PPP1R9A: variants seen among roughly 807,000 people sequenced by gnomAD.
PPP1R9A encodes the protein neurabin-1.
Under a neutral mutation model 141.9 loss-of-function variants are expected in PPP1R9A, and 59 were observed. That is an observed-to-expected ratio of 0.42 (90% CI 0.34 to 0.52). The LOEUF (loss-of-function observed/expected upper bound fraction) is 0.52, where lower values mean the gene tolerates loss of function less well. Among genes scored for constraint, PPP1R9A ranks in the 20% least tolerant of loss-of-function variants. The probability of loss-of-function intolerance (pLI) is 0.10; values close to 1 mark genes in which losing one functional copy is unlikely to be tolerated. For synonymous variants in PPP1R9A, 500 were observed against 569.7 expected (o/e 0.88, Z 1.74); for missense variants, 1,444 against 1,611.9 (o/e 0.90, Z 1.78).
intron 2 of PPP1R9A, among the ~76,000 whole-genome samples, chr7:94,916,190 C>T (rs1792055459): frequency 6.6e-6 from 1 of 152,188 alleles, no homozygotes; most frequent in African/African-American, 2.4e-5. Flanking sequence ...AGTTTATTTA[C>T]CATCTATGAT....
At chr7:95,121,459 GTCTA>G (rs35336740) in intron 4 of PPP1R9A, among the ~76,000 whole-genome samples, 7,973 of 50,008 alleles carry the variant, frequency 0.16, 274 homozygotes, top group Non-Finnish European at 0.19. Flanking sequence ...CTGTCTGTCT[GTCTA>G]TCTATCTATC....
At chr7:95,268,404 G>A in intron 12 of PPP1R9A, 146 bp from the exon 13 acceptor site, 1 of 760,116 alleles carries the variant, frequency 1.3e-6, no homozygotes. Context: ...TGATTTCTTG[G>A]TTATTTCTTG....
chr7:95,214,880 C>T (rs949344143), intron 7 of PPP1R9A, among the ~76,000 whole-genome samples: 36 of 152,004 alleles, frequency 2.4e-4, no homozygotes, highest in Non-Finnish European at 3.4e-4. Context: ...GGAACACAGA[C>T]GCCATATGAG....
At chr7:95,068,823 T>C (rs879680435) in intron 2 of PPP1R9A, among the ~76,000 whole-genome samples, 1 of 152,160 alleles carries the variant, frequency 6.6e-6, no homozygotes, top group African/African-American at 2.4e-5. Flanking sequence ...AGTCAGGTAC[T>C]TGCTTTTGTA....
At chr7:95,272,552 T>A (rs1802371443) in intron 14 of PPP1R9A, among the ~76,000 whole-genome samples, 1 of 152,220 alleles carries the variant, frequency 6.6e-6, no homozygotes, top group African/African-American at 2.4e-5. Context: ...TATGTACATT[T>A]CAGTGAGTTG....
intron 2 of PPP1R9A, among the ~76,000 whole-genome samples, chr7:94,980,210 A>T (rs1360787629): frequency 5.3e-5 from 8 of 151,878 alleles, no homozygotes; most frequent in African/African-American, 1.9e-4. Context: ...AATCACAGAA[A>T]ATCTCATAAT....
At chr7:94,950,914 AT>A (rs1250330898) in intron 2 of PPP1R9A, among the ~76,000 whole-genome samples, 4 of 151,916 alleles carry the variant, frequency 2.6e-5, no homozygotes, top group Non-Finnish European at 2.9e-5. Flanking sequence ...CACTGGGCTA[AT>A]TTTTGTACTT....
At chr7:95,266,432 T>G (rs1012691146) in intron 12 of PPP1R9A, among the ~76,000 whole-genome samples, 2 of 152,124 alleles carry the variant, frequency 1.3e-5, no homozygotes, top group African/African-American at 4.8e-5. Flanking sequence ...ACGTCATATA[T>G]GATTTTATAA....
intron 2 of PPP1R9A, among the ~76,000 whole-genome samples, chr7:95,063,354 A>G (rs1812505511): frequency 6.6e-6 from 1 of 152,108 alleles, no homozygotes. Context: ...GCTTGAGTCC[A>G]GCAGTTTAAG....
At chr7:95,063,745 G>A (rs1421473613) in intron 2 of PPP1R9A, among the ~76,000 whole-genome samples, 1 of 152,162 alleles carries the variant, frequency 6.6e-6, no homozygotes, top group Non-Finnish European at 1.5e-5. Context: ...AAATGAATGT[G>A]GATGATTCTC....
chr7:95,275,150 G>C (rs1228466761), intron 16 of PPP1R9A, among the ~76,000 whole-genome samples: 1 of 152,188 alleles, frequency 6.6e-6, no homozygotes, highest in African/African-American at 2.4e-5. Context: ...GCCCACACCT[G>C]TAATCCCAGC....
At chr7:94,945,566 C>T (rs945575369) in intron 2 of PPP1R9A, among the ~76,000 whole-genome samples, 1 of 152,054 alleles carries the variant, frequency 6.6e-6, no homozygotes, top group Admixed American at 6.6e-5. Flanking sequence ...TCACAAATAT[C>T]TCCTTGCTGT....
rs1445807973 is a variant in PPP1R9A at position 95,197,798 on chromosome 7, G to A, written c.1755-551G>A. 5.3e-5 allele frequency among the ~76,000 whole-genome samples: 8 copies of A among 151,960 alleles called. No homozygotes were observed. In the East Asian group the frequency reaches 9.7e-4, roughly 18 times the overall value. ...AGAGTAGCTGGGACTACAGGTGCGC[G>A]CCACCACGCCCGGCTAATTTTTGTA... On this transcript the variant is annotated intron_variant, in intron 5 of 19. Coordinates refer to ENST00000433360, the MANE Select transcript of PPP1R9A (RefSeq NM_001166160.2).
At chr7:94,942,560 T>TG (rs558923519) in intron 2 of PPP1R9A, among the ~76,000 whole-genome samples, 1 of 152,086 alleles carries the variant, frequency 6.6e-6, no homozygotes, top group Non-Finnish European at 1.5e-5. Context: ...CCCAGCACTT[T>TG]GGGAGGCTGA....
At chr7:95,289,361 C>T (rs1455869890) in intron 19 of PPP1R9A, among the ~76,000 whole-genome samples, 2 of 152,230 alleles carry the variant, frequency 1.3e-5, no homozygotes, top group African/African-American at 2.4e-5. Context: ...AGACGAGTAT[C>T]TCTTGACAAT....
At chr7:95,164,782 T>C (rs1830984724) in intron 5 of PPP1R9A, among the ~76,000 whole-genome samples, 1 of 148,002 alleles carries the variant, frequency 6.8e-6, no homozygotes, top group Non-Finnish European at 1.5e-5. Flanking sequence ...CTATTTTAAC[T>C]GTTCCATGCT....
chr7:95,274,258 T>C, intron 16 of PPP1R9A, 90 bp downstream of exon 16: 8 of 1,198,426 alleles, frequency 6.7e-6, no homozygotes, highest in Non-Finnish European at 9.3e-6. Flanking sequence ...GTGGTCAGTA[T>C]CTTTGAGCTA....
At chr7:95,210,174 A>G (rs915735669) in intron 7 of PPP1R9A, among the ~76,000 whole-genome samples, 6 of 152,194 alleles carry the variant, frequency 3.9e-5, no homozygotes, top group Non-Finnish European at 7.3e-5. Context: ...AATGTATTAA[A>G]TGGAATTGAA....
chr7:95,018,009 A>G (rs1179394661), intron 2 of PPP1R9A, among the ~76,000 whole-genome samples: 2 of 152,204 alleles, frequency 1.3e-5, no homozygotes, highest in African/African-American at 4.8e-5. Flanking sequence ...ACCATGCAAC[A>G]ATAGCTTATT....
Sources: allele counts gnomAD v4.1 joint callset (sites outside exome capture counted in the v4.1 genomes callset), GRCh38; gene constraint gnomAD v4.1.1; transcripts MANE v1.5; gene names NCBI Gene and HGNC (gene_info 2026-07-23, HGNC 2026-07-21).